Variants in ACER3 observed in about 807,000 individuals in gnomAD.
The protein encoded by ACER3 is alkCDase 3.
In ACER3, 16 loss-of-function variants were observed where a neutral mutation model predicts 48.9. That is an observed-to-expected ratio of 0.33 (90% CI 0.22 to 0.50). ACER3 has a LOEUF of 0.50. Ranked by LOEUF, ACER3 falls within the 20% of genes least tolerant of loss-of-function variation. The pLI, the probability that ACER3 is intolerant of heterozygous loss-of-function variation, is 0.98. For missense variants in ACER3, 227 were observed against 326.0 expected, an observed-to-expected ratio of 0.70 and a Z score of 2.34; for synonymous variants, 109 against 107.8, an observed-to-expected ratio of 1.01 and a Z score of -0.07.
chr11:76,894,789 G>A (rs1404592774), intron 1 of ACER3, among the ~76,000 whole-genome samples: 1 of 152,078 alleles, frequency 6.6e-6, no homozygotes, highest in Non-Finnish European at 1.5e-5. Context: ...TCATTTAAAG[G>A]CAAAGGAAAC....
At chr11:76,869,945 T>G (rs2134518331) in intron 1 of ACER3, among the ~76,000 whole-genome samples, 1 of 152,316 alleles carries the variant, frequency 6.6e-6, no homozygotes, top group East Asian at 1.9e-4. Context: ...GACTGTAGCC[T>G]TGACCTCCTA....
intron 1 of ACER3, among the ~76,000 whole-genome samples, chr11:76,915,564 C>T (rs994856553): frequency 1.3e-5 from 2 of 152,172 alleles, no homozygotes; most frequent in East Asian, 1.9e-4. Context: ...AACTATCACC[C>T]GACATTTCTA....
At chr11:76,913,310 T>G (rs1469423706) in intron 1 of ACER3, among the ~76,000 whole-genome samples, 1 of 152,148 alleles carries the variant, frequency 6.6e-6, no homozygotes, top group African/African-American at 2.4e-5. Flanking sequence ...TCACGTCATC[T>G]GCAAACAGGG....
chr11:76,950,349 G>A, intron 2 of ACER3, among the ~76,000 whole-genome samples: 1 of 55,982 alleles, frequency 1.8e-5, no homozygotes, highest in African/African-American at 5.7e-5. Flanking sequence ...AGAGTGACAT[G>A]ATCATATATA....
intron 3 of ACER3, among the ~76,000 whole-genome samples, chr11:76,960,000 A>G (rs1198039331): frequency 6.6e-6 from 1 of 152,174 alleles, no homozygotes; most frequent in Non-Finnish European, 1.5e-5. Context: ...ATTTCCCATC[A>G]CTAATCCAGA....
intron 2 of ACER3, among the ~76,000 whole-genome samples, chr11:76,934,359 C>T (rs911595825): frequency 3.9e-5 from 6 of 152,172 alleles, no homozygotes; most frequent in African/African-American, 1.2e-4. Flanking sequence ...GAGGTTGTAG[C>T]CAGCCGAGAT....
intron 3 of ACER3, among the ~76,000 whole-genome samples, chr11:76,976,073 G>T (rs1948434983): frequency 6.6e-6 from 1 of 151,776 alleles, no homozygotes; most frequent in Non-Finnish European, 1.5e-5. Context: ...TTTTTGTAGA[G>T]ACAGGATATT....
At chr11:76,952,467 C>T (rs998815164) in intron 2 of ACER3, among the ~76,000 whole-genome samples, 1 of 151,788 alleles carries the variant, frequency 6.6e-6, no homozygotes, top group African/African-American at 2.4e-5. Context: ...ACTAAGTTGG[C>T]CAGGCTGGTC....
At chr11:77,018,603 G>A (rs1949416845) in intron 9 of ACER3, among the ~76,000 whole-genome samples, 1 of 152,224 alleles carries the variant, frequency 6.6e-6, no homozygotes, top group Non-Finnish European at 1.5e-5. Context: ...TGAAGGCAAA[G>A]GAAAGTTCTT....
chr11:76,989,997 T>C (rs908702949), intron 5 of ACER3, among the ~76,000 whole-genome samples: 1 of 152,222 alleles, frequency 6.6e-6, no homozygotes, highest in Admixed American at 6.5e-5. Flanking sequence ...GTTTTAAATG[T>C]CTTCACTTAC....
chr11:77,009,821 AAG>A (rs141987581), intron 7 of ACER3, among the ~76,000 whole-genome samples: 2 of 151,100 alleles, frequency 1.3e-5, no homozygotes, highest in Admixed American at 6.6e-5. Flanking sequence ...AATAAAAAGA[AAG>A]AGAGAGAGAG....
At chr11:76,865,138 A>T (rs1434078531) in intron 1 of ACER3, among the ~76,000 whole-genome samples, 6 of 128,334 alleles carry the variant, frequency 4.7e-5, no homozygotes, top group East Asian at 2.3e-4. Flanking sequence ...TGCCCAGCTA[A>T]TTTTTTTTTT....
intron 3 of ACER3, among the ~76,000 whole-genome samples, chr11:76,963,416 C>T (rs1273457018): frequency 6.6e-6 from 1 of 151,440 alleles, no homozygotes; most frequent in African/African-American, 2.5e-5. Context: ...TTCCTCCAAC[C>T]TCATTCTTTG....
intron 1 of ACER3, among the ~76,000 whole-genome samples, chr11:76,863,033 C>T (rs1051063753): frequency 3.3e-5 from 5 of 152,114 alleles, no homozygotes; most frequent in African/African-American, 1.2e-4. Flanking sequence ...TGAGTCCAGC[C>T]TGGGCAACAT....
At chr11:76,941,300 T>C (rs1054304877) in intron 2 of ACER3, among the ~76,000 whole-genome samples, 7 of 152,048 alleles carry the variant, frequency 4.6e-5, no homozygotes, top group Admixed American at 1.3e-4. Flanking sequence ...AAACAGACAA[T>C]AATTTATGAG....
At chr11:76,979,447 T>C (rs552814187) in intron 4 of ACER3, among the ~76,000 whole-genome samples, 8 of 152,210 alleles carry the variant, frequency 5.3e-5, no homozygotes, top group South Asian at 4.2e-4. Flanking sequence ...TAAGAAGATA[T>C]AGAACAGCAG....
At chr11:76,953,484 G>C (rs1426179520) in intron 2 of ACER3, among the ~76,000 whole-genome samples, 4 of 152,088 alleles carry the variant, frequency 2.6e-5, no homozygotes, top group Non-Finnish European at 4.4e-5. Flanking sequence ...TGTAATCCCA[G>C]CTACTCAGGA....
chr11:76,969,206 A>G (rs575793269), intron 3 of ACER3, among the ~76,000 whole-genome samples: 1 of 152,360 alleles, frequency 6.6e-6, no homozygotes, highest in Admixed American at 6.5e-5. Context: ...GCTCATCGTC[A>G]CTGGCCATCA....
chr11:76,943,913 CT>C (rs56017014), intron 2 of ACER3, among the ~76,000 whole-genome samples: 19,166 of 147,226 alleles, frequency 0.13, 2,886 homozygotes, highest in African/African-American at 0.37. Flanking sequence ...GACCTTTGTC[CT>C]TTTTTTTTTT....
Sources: allele counts gnomAD v4.1 joint callset (sites outside exome capture counted in the v4.1 genomes callset), GRCh38; gene constraint gnomAD v4.1.1; transcripts MANE v1.5; gene names NCBI Gene and HGNC (gene_info 2026-07-23, HGNC 2026-07-21).